PTPRQ: variants seen among roughly 807,000 people sequenced by gnomAD.
PTPRQ encodes the protein phosphatidylinositol phosphatase PTPRQ.
A neutral mutation model predicts 246.0 loss-of-function variants in PTPRQ; 199 were observed. The ratio of observed to expected loss-of-function variants is 0.81; its 90% CI spans 0.72 to 0.91. The LOEUF is 0.91. Ranked by LOEUF, PTPRQ falls within the 40% of genes least tolerant of loss-of-function variation. PTPRQ has a pLI of 0.00. For missense variants in PTPRQ, 2,624 were observed against 2,528.4 expected, an observed-to-expected ratio of 1.04 and a Z score of -0.81; for synonymous variants, 869 against 853.2, an observed-to-expected ratio of 1.02 and a Z score of -0.32.
rs1239454562 is a variant in PTPRQ at position 80,542,791 on chromosome 12, G to A, written c.3783G>A (p.Leu1261=). ...LINCTSDFVW[L]KWSPSPLPGG... The stretch of plus-strand genomic sequence containing the variant: ...ACTGTACTTCAGACTTTGTATGGCT[G>A]AAATGGAGCCCAAGTCCTCTTCCAG... Residue 1261 remains leucine (L), a synonymous_variant, in exon 23 of 45, where the codon CTG becomes CTA. Transcript: ENST00000644991. 1.3e-6 allele frequency: 2 copies of A among 1,549,368 alleles called. No homozygotes were observed. The highest frequency in any genetic ancestry group is 2.7e-5 in the African/African-American group (2 of 73,038).
At chr12:80,510,528 G>C in intron 17 of PTPRQ, 85 bp downstream of exon 17, 1 of 1,293,824 alleles carries the variant, frequency 7.7e-7, no homozygotes, top group Non-Finnish European at 1.0e-6. Context: ...ATTTCAGAAT[G>C]TGGTGCTACA....
chr12:80,564,149 A>G (rs540341640), intron 25 of PTPRQ, among the ~76,000 whole-genome samples: 32 of 152,242 alleles, frequency 2.1e-4, no homozygotes, highest in Non-Finnish European at 3.7e-4. Context: ...TGTGCAGGTT[A>G]GTTACATATG....
chr12:80,590,574 A>G (rs537545758), intron 26 of PTPRQ, among the ~76,000 whole-genome samples: 1 of 148,760 alleles, frequency 6.7e-6, no homozygotes, highest in East Asian at 2.1e-4. Flanking sequence ...AGGCTGAGGC[A>G]GGAGAATGGC....
intron 3 of PTPRQ, among the ~76,000 whole-genome samples, chr12:80,456,693 AC>A (rs1287831878): frequency 6.6e-6 from 1 of 152,126 alleles, no homozygotes; most frequent in Non-Finnish European, 1.5e-5. Flanking sequence ...CATTCTTGTG[AC>A]CTTTACTCTG....
At chr12:80,615,683 A>G (rs1230095690) in intron 29 of PTPRQ, among the ~76,000 whole-genome samples, 3 of 151,104 alleles carry the variant, frequency 2.0e-5, no homozygotes, top group African/African-American at 7.3e-5. Flanking sequence ...ATACAGGAAA[A>G]CTGGGAGGCT....
At chr12:80,483,910 G>T (rs1592567469) in intron 8 of PTPRQ, among the ~76,000 whole-genome samples, 1 of 152,096 alleles carries the variant, frequency 6.6e-6, no homozygotes, top group Admixed American at 6.6e-5. Flanking sequence ...CAAAGGACAT[G>T]ACCTCATCCT....
At chr12:80,647,143 G>A (rs551247896) in intron 35 of PTPRQ, among the ~76,000 whole-genome samples, 13 of 152,230 alleles carry the variant, frequency 8.5e-5, no homozygotes, top group African/African-American at 2.6e-4. Context: ...CTAGGAAAAA[G>A]GAATCTCTCT....
intron 26 of PTPRQ, among the ~76,000 whole-genome samples, chr12:80,591,392 G>A (rs761213716): frequency 1.1e-4 from 16 of 152,252 alleles, no homozygotes; most frequent in Admixed American, 4.6e-4. Flanking sequence ...GCCTCCCACA[G>A]TGCTGAGATT....
At chr12:80,601,489 A>G (rs1413167983) in intron 26 of PTPRQ, among the ~76,000 whole-genome samples, 2 of 151,862 alleles carry the variant, frequency 1.3e-5, no homozygotes, top group African/African-American at 4.8e-5. Context: ...TATTCATTCA[A>G]TGAATGCATA....
intron 26 of PTPRQ, among the ~76,000 whole-genome samples, chr12:80,589,118 G>A (rs1897710872): frequency 6.6e-6 from 1 of 152,134 alleles, no homozygotes; most frequent in African/African-American, 2.4e-5. Flanking sequence ...TTGCAACTTA[G>A]GTTTTATGTT....
chr12:80,655,119 T>G (rs190471165), intron 38 of PTPRQ, among the ~76,000 whole-genome samples: 26 of 152,206 alleles, frequency 1.7e-4, no homozygotes, highest in African/African-American at 6.3e-4. Flanking sequence ...TAAGAGTGGT[T>G]GATGGGACTA....
At chr12:80,516,327 G>T (rs1895298459) in intron 17 of PTPRQ, among the ~76,000 whole-genome samples, 1 of 152,108 alleles carries the variant, frequency 6.6e-6, no homozygotes, top group African/African-American at 2.4e-5. Context: ...AAAGACTGAG[G>T]ACTGAAAGTG....
At chr12:80,623,113 AGCTGTT>A (rs1334499536) in intron 33 of PTPRQ, among the ~76,000 whole-genome samples, 13 of 152,220 alleles carry the variant, frequency 8.5e-5, no homozygotes, top group Admixed American at 8.5e-4. Flanking sequence ...GATCCTGGCG[AGCTGTT>A]GCTCAGTGTA....
intron 25 of PTPRQ, among the ~76,000 whole-genome samples, chr12:80,581,334 G>C (rs1225868222): frequency 6.6e-6 from 1 of 152,138 alleles, no homozygotes; most frequent in Non-Finnish European, 1.5e-5. Context: ...GAAAACAAAA[G>C]TCAATATAAA....
Position 80,530,372 on chromosome 12 carries a change from A to C in PTPRQ, c.2679-3643A>C, listed in dbSNP as rs118084487. Among the ~76,000 whole-genome samples the C allele has an allele frequency of 1.2e-4, 18 of 152,252 alleles. No individual in the cohort carries two copies. The East Asian group carries it at 3.3e-3, about 28-fold the overall frequency. On this transcript the variant is annotated intron_variant, in intron 17 of 44. Coordinates refer to ENST00000644991, the MANE Select transcript of PTPRQ (RefSeq NM_001145026.2). ...ATTTTGAGGATAGGGGCTGTATCTT[A>C]CTCATATTTATGCCTAAAGTAGTGC...
In PTPRQ at chr12:80,604,462, C is replaced by A. The variant is rs1274907758; in HGVS notation, c.4610-597C>A. 2.6e-5 allele frequency among the ~76,000 whole-genome samples: 4 copies of A among 151,384 alleles called. No individual in the cohort carries two copies. The East Asian group carries it at 7.8e-4, about 29-fold the overall frequency. ...AGTAGGACAAATTAAGAAAGTAGAACAAATTAAAGAATTTAATTGGAGTCA... is the reference window on the plus strand; with the variant it reads ...AGTAGGACAAATTAAGAAAGTAGAAAAAATTAAAGAATTTAATTGGAGTCA... On this transcript the variant is annotated intron_variant, in intron 26 of 44. Transcript: ENST00000644991.
intron 9 of PTPRQ, among the ~76,000 whole-genome samples, chr12:80,487,191 C>G (rs765568363): frequency 6.6e-6 from 1 of 152,052 alleles, no homozygotes; most frequent in Non-Finnish European, 1.5e-5. Flanking sequence ...AAGAGTCCAC[C>G]AGGGCTCATT....
chr12:80,664,355 A>G (rs1263679714), intron 39 of PTPRQ, among the ~76,000 whole-genome samples: 1 of 151,968 alleles, frequency 6.6e-6, no homozygotes, highest in Non-Finnish European at 1.5e-5. Flanking sequence ...AAGGTCCCCT[A>G]CTTGTCTGCA....
chr12:80,520,773 G>A (rs1427928218), intron 17 of PTPRQ, among the ~76,000 whole-genome samples: 1 of 151,996 alleles, frequency 6.6e-6, no homozygotes, highest in Non-Finnish European at 1.5e-5. Context: ...TTGGACATTT[G>A]GGTTGGTTGC....
Sources: gnomAD v4.1 joint callset for allele counts (sites outside exome capture counted in the v4.1 genomes callset) on GRCh38, gnomAD v4.1.1 for gene constraint, MANE v1.5 for transcripts, NCBI Gene and HGNC (gene_info 2026-07-23, HGNC 2026-07-21) for gene names.